NFIB: variants seen among roughly 807,000 people sequenced by gnomAD.
NFIB encodes the protein nuclear factor I B.
In NFIB, 11 loss-of-function variants were observed where a neutral mutation model predicts 61.5. That is an observed-to-expected ratio of 0.18 (90% CI 0.11 to 0.30). NFIB has a LOEUF of 0.30. Ranked by LOEUF, NFIB falls within the 10% of genes least tolerant of loss-of-function variation. The probability of loss-of-function intolerance (pLI) is 1.00; values close to 1 mark genes in which losing one functional copy is unlikely to be tolerated. For missense variants in NFIB, 471 were observed against 608.9 expected, an observed-to-expected ratio of 0.77 and a Z score of 2.38; for synonymous variants, 260 against 216.5, an observed-to-expected ratio of 1.20 and a Z score of -1.76.
At position 14,088,091 on chromosome 9, in the gene NFIB, G is replaced by T. The variant is rs1046310094; in HGVS notation, c.*218C>A. The T allele has an allele frequency of 4.4e-5, 47 of 1,062,064 alleles. 1 individual carries two copies. The African/African-American group carries it at 7.0e-4, about 16-fold the overall frequency. The allele number at this position is 1,062,064 out of a possible 1,614,324, so 65.8% of individuals were successfully genotyped here. A position where few individuals can be genotyped will look rare whatever the true frequency, so the allele number is the denominator to read the frequency against. On this transcript the variant is annotated 3_prime_UTR_variant, in exon 11 of 11. Coordinates refer to ENST00000380953, the MANE Select transcript of NFIB (RefSeq NM_001190737.2). Reference sequence around the variant, plus strand: ...GCTGGTCTATTATCTTCTTTCTTCAGTTTCTTTCCTTTCTGCCTTTGTGTT... The same window carrying T: ...GCTGGTCTATTATCTTCTTTCTTCATTTTCTTTCCTTTCTGCCTTTGTGTT...
intron 8 of NFIB, among the ~76,000 whole-genome samples, chr9:14,117,633 C>G (rs2119110501): frequency 6.6e-6 from 1 of 152,218 alleles, no homozygotes; most frequent in East Asian, 1.9e-4. Flanking sequence ...CGGTTAGGCT[C>G]CTCAGAGGCC....
intron 1 of NFIB, among the ~76,000 whole-genome samples, chr9:14,353,791 C>T (rs1236123888): frequency 6.6e-6 from 1 of 151,318 alleles, no homozygotes; most frequent in Non-Finnish European, 1.5e-5. Context: ...TTGAAATAGC[C>T]GTTGCTTTGT....
At chr9:14,237,011 A>G (rs1475255775) in intron 2 of NFIB, among the ~76,000 whole-genome samples, 1 of 152,146 alleles carries the variant, frequency 6.6e-6, no homozygotes, top group East Asian at 1.9e-4. Context: ...AAACGCCAAC[A>G]TTATTTAAGA....
chr9:14,283,798 T>G (rs1304249064), intron 2 of NFIB, among the ~76,000 whole-genome samples: 1 of 152,192 alleles, frequency 6.6e-6, no homozygotes, highest in Non-Finnish European at 1.5e-5. Context: ...ACAGTGTCTG[T>G]AGGACAAACA....
chr9:14,165,019 C>T (rs1041374519), intron 3 of NFIB, among the ~76,000 whole-genome samples: 1 of 152,142 alleles, frequency 6.6e-6, no homozygotes, highest in Non-Finnish European at 1.5e-5. Context: ...ATAGGCTCTA[C>T]CCCAGACCCT....
chr9:14,272,849 T>C (rs1370716925), intron 2 of NFIB, among the ~76,000 whole-genome samples: 2 of 152,168 alleles, frequency 1.3e-5, no homozygotes, highest in East Asian at 3.9e-4. Context: ...ATTAGTCTTT[T>C]CTCTCGGTAA....
Position 14,233,722 on chromosome 9 carries a change from G to A in NFIB, c.563-53942C>T, listed in dbSNP as rs541561977. On this transcript the variant is annotated intron_variant, in intron 2 of 10. Transcript: ENST00000380953. ...TGGGATTACAGGCGTGAACCACTGG[G>A]CCCAGACTTGTTTTGCTATTATTCT... Among the ~76,000 whole-genome samples, 37 of 152,270 alleles carry A rather than the reference G, an allele frequency of 2.4e-4. No individual in the cohort carries two copies. In the South Asian group the frequency reaches 7.0e-3, roughly 29 times the overall value.
At chr9:14,354,219 A>G (rs2061149763) in intron 1 of NFIB, among the ~76,000 whole-genome samples, 1 of 152,160 alleles carries the variant, frequency 6.6e-6, no homozygotes, top group Non-Finnish European at 1.5e-5. Flanking sequence ...GTGAGCAAAG[A>G]TTTTAGTGTC....
intron 6 of NFIB, among the ~76,000 whole-genome samples, chr9:14,132,966 TA>T (rs2040574862): frequency 6.6e-6 from 1 of 152,174 alleles, no homozygotes; most frequent in South Asian, 2.1e-4. Flanking sequence ...AAACTTCTGT[TA>T]ACTTTGACCC....
the NFIB span, among the ~76,000 whole-genome samples, chr9:14,431,975 G>A: frequency 6.6e-6 from 1 of 152,200 alleles, no homozygotes; most frequent in African/African-American, 2.4e-5. Context: ...CAAATGGTGT[G>A]CCTGACTCAT....
chr9:14,435,547 T>G, the NFIB span, among the ~76,000 whole-genome samples: 11 of 152,206 alleles, frequency 7.2e-5, no homozygotes, highest in African/African-American at 2.4e-4. Context: ...AACAGATAAG[T>G]ACATGTCAAC....
At chr9:14,272,031 A>C (rs1374206367) in intron 2 of NFIB, among the ~76,000 whole-genome samples, 1 of 152,218 alleles carries the variant, frequency 6.6e-6, no homozygotes, top group African/African-American at 2.4e-5. Flanking sequence ...TATTTTTAAA[A>C]GGCAAATTCC....
intron 2 of NFIB, among the ~76,000 whole-genome samples, chr9:14,234,830 T>C (rs2053583391): frequency 6.7e-6 from 1 of 148,718 alleles, no homozygotes. Flanking sequence ...ATGTTTTAAC[T>C]ATTTCAACAT....
intron 6 of NFIB, among the ~76,000 whole-genome samples, chr9:14,137,464 G>A (rs978933337): frequency 3.3e-5 from 5 of 152,158 alleles, no homozygotes; most frequent in African/African-American, 1.2e-4. Context: ...GTTAATGACG[G>A]CTTTGGAAAG....
At chr9:14,497,686 T>C in the NFIB span, among the ~76,000 whole-genome samples, 2 of 152,354 alleles carry the variant, frequency 1.3e-5, no homozygotes, top group East Asian at 3.9e-4. Flanking sequence ...TAACTATCAC[T>C]GTACACGTGC....
chr9:14,141,510 A>G lies in NFIB; in HGVS notation c.925+5179T>C, dbSNP rs186682197. On this transcript the variant is annotated intron_variant, in intron 6 of 10. Coordinates refer to ENST00000380953, the MANE Select transcript of NFIB (RefSeq NM_001190737.2). ...AAAGCATGGAGTCGGTTCTCTCATA[A>G]TCTTATTTATTTTAGTCCCCGATTT... Among the ~76,000 whole-genome samples, 814 of 152,242 alleles carry G rather than the reference A, an allele frequency of 5.3e-3. 9 individuals carry two copies. The highest frequency in any genetic ancestry group is 0.017 in the African/African-American group (712 of 41,554).
intron 1 of NFIB, among the ~76,000 whole-genome samples, chr9:14,351,228 AG>A (rs547910279): frequency 3.7e-4 from 57 of 152,206 alleles, no homozygotes; most frequent in Non-Finnish European, 4.9e-4. Context: ...TTATGCTGGA[AG>A]AAACTTCAGA....
At chr9:14,397,121 T>C (rs2061695013) in intron 1 of NFIB, among the ~76,000 whole-genome samples, 1 of 152,194 alleles carries the variant, frequency 6.6e-6, no homozygotes, top group Non-Finnish European at 1.5e-5. Context: ...CTCACTCTTC[T>C]TCTTTAAGTA....
intron 1 of NFIB, chr9:14,361,879 C>G (rs2061245441): frequency 6.6e-6 from 1 of 152,112 alleles, no homozygotes; most frequent in African/African-American, 2.4e-5. Flanking sequence ...TTTCCATTAA[C>G]AAAAAGGAGC....
Sources: allele counts gnomAD v4.1 joint callset (sites outside exome capture counted in the v4.1 genomes callset), GRCh38; gene constraint gnomAD v4.1.1; transcripts MANE v1.5; gene names NCBI Gene and HGNC (gene_info 2026-07-23, HGNC 2026-07-21).